Variants in SLC9A9 observed in about 807,000 individuals in gnomAD.
SLC9A9 encodes the protein sodium/hydrogen exchanger 9.
Under a neutral mutation model 77.8 loss-of-function variants are expected in SLC9A9, and 62 were observed. The observed-to-expected ratio is 0.80, with a 90% confidence interval of 0.65 to 0.98. The LOEUF is 0.98. Among genes scored for constraint, SLC9A9 ranks in the 50% least tolerant of loss-of-function variants. SLC9A9 has a pLI of 0.00. For missense variants in SLC9A9, 775 were observed against 774.9 expected (o/e 1.00, Z 0.00); for synonymous variants, 320 against 283.5 (o/e 1.13, Z -1.29).
At chr3:143,742,840 G>A (rs144714902) in intron 4 of SLC9A9, among the ~76,000 whole-genome samples, 1 of 151,910 alleles carries the variant, frequency 6.6e-6, no homozygotes, top group Non-Finnish European at 1.5e-5. Flanking sequence ...TGCGATGGGG[G>A]GTTTGTTTGT....
chr3:143,509,088 A>G (rs1163882339), intron 9 of SLC9A9, among the ~76,000 whole-genome samples: 2 of 152,218 alleles, frequency 1.3e-5, no homozygotes, highest in African/African-American at 4.8e-5. Context: ...AGAGTGGACT[A>G]TGGAAAGGCA....
intron 8 of SLC9A9, among the ~76,000 whole-genome samples, chr3:143,556,123 G>A (rs1428939573): frequency 6.6e-6 from 1 of 152,166 alleles, no homozygotes; most frequent in Non-Finnish European, 1.5e-5. Flanking sequence ...TCTACCTTAT[G>A]AAAGAACATT....
intron 14 of SLC9A9, among the ~76,000 whole-genome samples, chr3:143,334,567 AC>A (rs1230187182): frequency 1.3e-5 from 2 of 152,180 alleles, no homozygotes; most frequent in African/African-American, 4.8e-5. Flanking sequence ...CTTCTGTAAA[AC>A]GGGCTTAGTA....
At chr3:143,340,260 A>C (rs1251709657) in intron 14 of SLC9A9, among the ~76,000 whole-genome samples, 1 of 152,228 alleles carries the variant, frequency 6.6e-6, no homozygotes, top group African/African-American at 2.4e-5. Flanking sequence ...CAAATAAATA[A>C]ATAAATAAAA....
intron 14 of SLC9A9, among the ~76,000 whole-genome samples, chr3:143,295,810 C>T (rs1328187972): frequency 6.6e-6 from 1 of 152,018 alleles, no homozygotes; most frequent in Admixed American, 6.6e-5. Flanking sequence ...AATTACATGG[C>T]AACATCTTTT....
chr3:143,266,995 A>ATT (rs148013960), intron 15 of SLC9A9, 66 bp from the exon 16 acceptor site: 15,981 of 1,214,944 alleles, frequency 0.013, 335 homozygotes, highest in African/African-American at 0.12. Flanking sequence ...CAGTCCTACA[A>ATT]TTTTTTTTTT....
chr3:143,552,214 A>T, intron 9 of SLC9A9, 148 bp downstream of exon 9: 1 of 608,810 alleles, frequency 1.6e-6, no homozygotes, highest in East Asian at 2.9e-5. Context: ...GGAGGGAAAA[A>T]AATCTATAAA....
At chr3:143,356,083 A>G (rs2108477596) in intron 14 of SLC9A9, among the ~76,000 whole-genome samples, 1 of 152,332 alleles carries the variant, frequency 6.6e-6, no homozygotes, top group African/African-American at 2.4e-5. Flanking sequence ...CCATCTTGGG[A>G]TCCACAATAT....
intron 4 of SLC9A9, among the ~76,000 whole-genome samples, chr3:143,701,059 A>G (rs549343983): frequency 8.5e-5 from 13 of 152,396 alleles, no homozygotes; most frequent in African/African-American, 2.9e-4. Context: ...CCTTCAAGGC[A>G]GTACCTCTTC....
chr3:143,612,424 T>C (rs2038037560), intron 6 of SLC9A9, among the ~76,000 whole-genome samples: 2 of 152,146 alleles, frequency 1.3e-5, no homozygotes, highest in African/African-American at 4.8e-5. Context: ...CCTAAGTGAA[T>C]AAGAGCTGGT....
chr3:143,806,737 T>TGG (rs59001728), intron 2 of SLC9A9, among the ~76,000 whole-genome samples: 26,128 of 147,894 alleles, frequency 0.18, 2,352 homozygotes, highest in East Asian at 0.3. Context: ...TATGTGGTGG[T>TGG]GGGGGGGGCA....
chr3:143,267,558 G>T (rs563876732), intron 15 of SLC9A9, among the ~76,000 whole-genome samples: 57 of 151,994 alleles, frequency 3.8e-4, no homozygotes, highest in African/African-American at 1.3e-3. Context: ...TTGCCATGTT[G>T]GTCAGGCTGG....
At chr3:143,846,589 C>T (rs757810920) in intron 1 of SLC9A9, among the ~76,000 whole-genome samples, 15 of 151,964 alleles carry the variant, frequency 9.9e-5, no homozygotes, top group Admixed American at 2.6e-4. Context: ...AATGGTGGCT[C>T]ATGCCCGTAA....
At chr3:143,707,649 G>C (rs1934020276) in intron 4 of SLC9A9, among the ~76,000 whole-genome samples, 1 of 152,178 alleles carries the variant, frequency 6.6e-6, no homozygotes, top group Non-Finnish European at 1.5e-5. Flanking sequence ...TAATCTATTA[G>C]ATATTCCCTT....
At chr3:143,293,228 C>T (rs1250341189) in intron 14 of SLC9A9, among the ~76,000 whole-genome samples, 1 of 152,152 alleles carries the variant, frequency 6.6e-6, no homozygotes, top group African/African-American at 2.4e-5. Flanking sequence ...AGGGGAGCTG[C>T]CCCGGTTTTC....
chr3:143,630,316 T>C (rs1576622301), intron 6 of SLC9A9, among the ~76,000 whole-genome samples: 1 of 152,162 alleles, frequency 6.6e-6, no homozygotes, highest in Non-Finnish European at 1.5e-5. Flanking sequence ...AATAACCACT[T>C]GTCTGATTGA....
intron 12 of SLC9A9, among the ~76,000 whole-genome samples, chr3:143,385,746 C>A (rs766498809): frequency 2.0e-5 from 3 of 152,168 alleles, no homozygotes; most frequent in Admixed American, 6.5e-5. Context: ...CAGGTGAGAT[C>A]ACAGTATGAA....
chr3:143,536,155 T>C (rs10513207), intron 9 of SLC9A9, among the ~76,000 whole-genome samples: 29,508 of 152,152 alleles, frequency 0.19, 2,892 homozygotes, highest in Middle Eastern at 0.22. Context: ...TAAATTACTA[T>C]ATGAAACTGA....
intron 6 of SLC9A9, among the ~76,000 whole-genome samples, chr3:143,593,817 T>G (rs894029495): frequency 6.6e-6 from 1 of 152,210 alleles, no homozygotes; most frequent in Admixed American, 6.5e-5. Flanking sequence ...CTTGACTTCA[T>G]GTGAAATGTG....
Sources: gnomAD v4.1 joint callset for allele counts (sites outside exome capture counted in the v4.1 genomes callset) on GRCh38, gnomAD v4.1.1 for gene constraint, MANE v1.5 for transcripts, NCBI Gene and HGNC (gene_info 2026-07-23, HGNC 2026-07-21) for gene names.